MAK: variants seen among roughly 807,000 people sequenced by gnomAD.
MAK encodes the protein male germ cell associated kinase.
Under a neutral mutation model 82.6 loss-of-function variants are expected in MAK, and 65 were observed. The ratio of observed to expected loss-of-function variants is 0.79; its 90% CI spans 0.64 to 0.97. The LOEUF is 0.97. Among genes scored for constraint, MAK ranks in the 50% least tolerant of loss-of-function variants. MAK has a pLI of 0.00. For missense variants in MAK, 703 were observed against 780.2 expected, an observed-to-expected ratio of 0.90 and a Z score of 1.18; for synonymous variants, 250 against 274.2, an observed-to-expected ratio of 0.91 and a Z score of 0.87.
intron 8 of MAK, among the ~76,000 whole-genome samples, chr6:10,801,041 T>TTTTTTTTTTTTTTTTTTTTTGAG (rs1561969888): frequency 6.6e-6 from 1 of 152,084 alleles, no homozygotes; most frequent in African/African-American, 2.4e-5. Flanking sequence ...TGTCAATTCT[T>TTTTTTTTTTTTTTTTTTTTTGAG]ATGCCAGTAC....
At chr6:10,768,071 CAGAGT>C (rs1772632038) in intron 14 of MAK, among the ~76,000 whole-genome samples, 1 of 151,188 alleles carries the variant, frequency 6.6e-6, no homozygotes, top group Admixed American at 6.6e-5. Flanking sequence ...ATCTGATAAG[CAGAGT>C]AAAGAAATAA....
chr6:10,807,584 C>G (rs929387170), intron 6 of MAK, among the ~76,000 whole-genome samples: 2 of 151,630 alleles, frequency 1.3e-5, no homozygotes, highest in Non-Finnish European at 2.9e-5. Flanking sequence ...CAAGTGATCC[C>G]CCACCTCGGC....
In MAK at chr6:10,806,397, T is replaced by G. The variant is rs578206288; in HGVS notation, c.491+2413A>C. ...AGGCTGGAGTGCAGTGGCGCGATCT[T>G]CGCTCACTGCAAGCTCCGCCTCCCA... On this transcript the variant is annotated intron_variant, in intron 6 of 14. Coordinates refer to ENST00000354489, the MANE Select transcript of MAK (RefSeq NM_001242957.3). Among the ~76,000 whole-genome samples the G allele has an allele frequency of 1.2e-4, 18 of 151,840 alleles. 1 individual carries two copies. The South Asian group carries it at 3.7e-3, about 31-fold the overall frequency.
At chr6:10,815,912 G>GTGTGTGTGTATATATATATATATATA (rs1554184483) in intron 4 of MAK, among the ~76,000 whole-genome samples, 8 of 108,332 alleles carry the variant, frequency 7.4e-5, no homozygotes, top group South Asian at 2.9e-4. Flanking sequence ...GCTTTATACA[G>GTGTGTGTGTATATATATATATATATA]TATATATATA....
chr6:10,819,026 T>C (rs1314526126), intron 2 of MAK, 86 bp from the exon 3 acceptor site: 5 of 757,188 alleles, frequency 6.6e-6, no homozygotes, highest in Admixed American at 2.0e-5. Context: ...ACTCCACTAC[T>C]GGTTCACTTT....
intron 2 of MAK, among the ~76,000 whole-genome samples, chr6:10,830,121 GCA>G (rs1188885942): frequency 8.1e-6 from 1 of 123,582 alleles, no homozygotes; most frequent in Non-Finnish European, 1.7e-5. Context: ...CAGCCTGTGT[GCA>G]CGTGTGTGTG....
chr6:10,815,912 G>GTACA (rs1554184484), intron 4 of MAK, among the ~76,000 whole-genome samples: 15 of 108,346 alleles, frequency 1.4e-4, no homozygotes, highest in Non-Finnish European at 1.9e-4. Flanking sequence ...GCTTTATACA[G>GTACA]TATATATATA....
intron 9 of MAK, among the ~76,000 whole-genome samples, chr6:10,794,767 T>G (rs902636100): frequency 1.3e-5 from 2 of 151,950 alleles, no homozygotes; most frequent in African/African-American, 4.8e-5. Flanking sequence ...CCAAGGAGGG[T>G]GGATCACCTG....
intron 8 of MAK, among the ~76,000 whole-genome samples, chr6:10,796,687 C>A (rs1004288604): frequency 2.0e-5 from 3 of 151,596 alleles, no homozygotes; most frequent in South Asian, 2.1e-4. Flanking sequence ...ATGCCTGTAA[C>A]CCCAGTTATA....
At chr6:10,821,178 G>A (rs1395581137) in intron 2 of MAK, among the ~76,000 whole-genome samples, 7 of 152,064 alleles carry the variant, frequency 4.6e-5, no homozygotes, top group Admixed American at 2.6e-4. Flanking sequence ...CAAACTCCTG[G>A]GCTCAAGCAA....
intron 2 of MAK, among the ~76,000 whole-genome samples, chr6:10,828,022 T>A (rs2127587722): frequency 6.6e-6 from 1 of 152,282 alleles, no homozygotes; most frequent in South Asian, 2.1e-4. Flanking sequence ...CAATGTTTGT[T>A]TTTTTTAGTT....
intron 11 of MAK, among the ~76,000 whole-genome samples, chr6:10,779,875 C>T (rs1056721409): frequency 3.5e-4 from 53 of 152,094 alleles, no homozygotes; most frequent in African/African-American, 1.4e-4. Flanking sequence ...TTAGTAGAGA[C>T]GGGGTTTCAT....
rs573694176 is a variant in MAK, at chr6:10,800,072, A to G, written c.831+1820T>C. ...CAAAAACAAAAACAAAAACAAAAAAAAACTAAACAAAAAAACCCCTCTGGT... is the reference window on the plus strand; with the variant it reads ...CAAAAACAAAAACAAAAACAAAAAAGAACTAAACAAAAAAACCCCTCTGGT... On this transcript the variant is annotated intron_variant, in intron 8 of 14. Transcript: ENST00000354489. This position sits in a 1 kb window ranked among gnomAD's most constrained non-coding sequence, Gnocchi z 4.2. Among the ~76,000 whole-genome samples the G allele has an allele frequency of 3.4e-4, 52 of 151,130 alleles. No homozygotes were observed. The South Asian group carries it at 0.011, about 32-fold the overall frequency.
At chr6:10,813,856 A>G (rs1340876990) in intron 4 of MAK, 133 bp from the exon 5 acceptor site, 3 of 713,290 alleles carry the variant, frequency 4.2e-6, no homozygotes, top group East Asian at 5.0e-5. Context: ...TTATAGATTT[A>G]TACTCTTAAA....
intron 4 of MAK, among the ~76,000 whole-genome samples, chr6:10,817,526 T>C (rs1481316670): frequency 6.6e-6 from 1 of 152,314 alleles, no homozygotes; most frequent in Non-Finnish European, 1.5e-5. Flanking sequence ...CCAAGATAAT[T>C]TTCTCAATAA....
In MAK at chr6:10,830,784, TAA is replaced by T. The variant is rs1581778273; in HGVS notation, c.-138_-137del. 1.4e-6 allele frequency: 1 copy of T among 724,010 alleles called. No individual in the cohort carries two copies. Among genetic ancestry groups the T allele is most frequent in the East Asian group, 2.7e-5 (1 of 36,800 alleles). The allele number at this position is 724,010 out of a possible 1,614,324, so 44.8% of individuals were successfully genotyped here. ...ACACTGGTGACAGGTTTGTCATCAT[TAA>T]ATATAGTCTCTCCCCCAAGATTACA... On this transcript the variant is annotated 5_prime_UTR_variant, in exon 2 of 15. It introduces an in-frame stop codon into an upstream open reading frame of the 5' UTR. Transcript: ENST00000354489.
intron 9 of MAK, 136 bp downstream of exon 9, chr6:10,795,862 C>G: frequency 2.2e-6 from 2 of 899,030 alleles, no homozygotes; most frequent in Non-Finnish European, 3.6e-6. Context: ...ATGTCAAGCT[C>G]CAACCAGAGG....
chr6:10,775,000 T>A (rs1467171072), intron 12 of MAK, among the ~76,000 whole-genome samples: 1 of 152,194 alleles, frequency 6.6e-6, no homozygotes, highest in African/African-American at 2.4e-5. Context: ...CTTTTTAATA[T>A]AGAGGCACAG....
intron 14 of MAK, among the ~76,000 whole-genome samples, chr6:10,767,147 C>T (rs189263900): frequency 9.8e-5 from 15 of 152,320 alleles, no homozygotes; most frequent in Admixed American, 5.9e-4. Flanking sequence ...TGTTTAAAAA[C>T]TGCATCTGTC....
Sources: gnomAD v4.1 joint callset for allele counts (sites outside exome capture counted in the v4.1 genomes callset) on GRCh38, gnomAD v4.1.1 for gene constraint, Gnocchi (gnomAD v3.1) non-coding constraint, MANE v1.5 for transcripts, NCBI Gene and HGNC (gene_info 2026-07-23, HGNC 2026-07-21) for gene names.